The following APBB2 variants were observed in gnomAD, a reference collection of about 807,000 sequenced individuals.
APBB2 encodes the protein Fe65-like 1.
APBB2 carries 38 observed loss-of-function variants against 82.5 expected under a neutral mutation model. That is an observed-to-expected ratio of 0.46 (90% confidence interval 0.36 to 0.60). The LOEUF (loss-of-function observed/expected upper bound fraction) is 0.60, where lower values mean the gene tolerates loss of function less well. Ranked by LOEUF, APBB2 falls within the 20% of genes least tolerant of loss-of-function variation. The probability of loss-of-function intolerance (pLI) is 0.00; values close to 1 mark genes in which losing one functional copy is unlikely to be tolerated. For missense variants in APBB2, 772 were observed against 972.3 expected (o/e 0.79, Z 2.74); for synonymous variants, 341 against 368.2 (o/e 0.93, Z 0.85).
At chr4:40,831,948 T>A (rs573998326) in intron 12 of APBB2, among the ~76,000 whole-genome samples, 1 of 151,576 alleles carries the variant, frequency 6.6e-6, no homozygotes, top group South Asian at 2.1e-4. Context: ...ATGTTAACAT[T>A]GGAAGACAGC....
intron 5 of APBB2, among the ~76,000 whole-genome samples, chr4:41,022,184 T>A (rs543733428): frequency 1.3e-5 from 2 of 152,300 alleles, no homozygotes; most frequent in South Asian, 4.1e-4. Flanking sequence ...CCTGGCCACA[T>A]GTAAAAACCA....
At chr4:41,123,895 G>A (rs1753622877) in intron 2 of APBB2, among the ~76,000 whole-genome samples, 1 of 152,106 alleles carries the variant, frequency 6.6e-6, no homozygotes, top group Non-Finnish European at 1.5e-5. Flanking sequence ...TAAACTAGCA[G>A]GGAAGGGCAG....
chr4:41,165,033 A>C (rs867561107), intron 1 of APBB2, among the ~76,000 whole-genome samples: 1 of 152,206 alleles, frequency 6.6e-6, no homozygotes, highest in South Asian at 2.1e-4. Context: ...ATTCACCATC[A>C]CAGCAATAAA....
At chr4:40,921,658 T>C (rs1319107880) in intron 10 of APBB2, among the ~76,000 whole-genome samples, 1 of 152,218 alleles carries the variant, frequency 6.6e-6, no homozygotes, top group Non-Finnish European at 1.5e-5. Flanking sequence ...GCCCACTGCA[T>C]TGGTGAAGAG....
chr4:40,931,239 A>G (rs1578527399), intron 10 of APBB2, among the ~76,000 whole-genome samples: 2 of 152,164 alleles, frequency 1.3e-5, no homozygotes, highest in South Asian at 2.1e-4. Flanking sequence ...CAGGCAACAC[A>G]AAACAGGCAG....
intron 6 of APBB2, among the ~76,000 whole-genome samples, chr4:40,964,730 C>T (rs972738248): frequency 2.6e-4 from 15 of 57,586 alleles, no homozygotes; most frequent in South Asian, 2.4e-3. Flanking sequence ...ACACAGTACA[C>T]GGGGGAAAAT....
chr4:40,902,113 T>C (rs775584111), intron 10 of APBB2, among the ~76,000 whole-genome samples: 36 of 152,340 alleles, frequency 2.4e-4, no homozygotes, highest in Non-Finnish European at 3.7e-4. Context: ...TGTTTTGCTA[T>C]AATGTTGATG....
intron 12 of APBB2, among the ~76,000 whole-genome samples, chr4:40,836,449 C>T (rs774435959): frequency 2.6e-5 from 4 of 152,164 alleles, no homozygotes; most frequent in Non-Finnish European, 4.4e-5. Flanking sequence ...TGCACTCCTG[C>T]CTAGGCAAAC....
chr4:40,954,746 C>T (rs1305859133), intron 6 of APBB2, among the ~76,000 whole-genome samples: 3 of 152,214 alleles, frequency 2.0e-5, no homozygotes, highest in Non-Finnish European at 2.9e-5. Flanking sequence ...TCAGTGTAAC[C>T]TCTGCCTCCC....
At chr4:40,837,423 G>A (rs927887221) in intron 12 of APBB2, among the ~76,000 whole-genome samples, 1 of 152,206 alleles carries the variant, frequency 6.6e-6, no homozygotes, top group Non-Finnish European at 1.5e-5. Context: ...TTAACCGGGC[G>A]CCTCACACAG....
intron 4 of APBB2, among the ~76,000 whole-genome samples, chr4:41,047,574 T>C (rs1723885264): frequency 6.6e-6 from 1 of 152,244 alleles, no homozygotes; most frequent in Non-Finnish European, 1.5e-5. Context: ...GCTGGCACCA[T>C]GATGCTCCTT....
chr4:40,935,108 T>C lies in APBB2; in HGVS notation c.1076A>G (p.Asn359Ser), dbSNP rs746218929. The change falls in exon 8 of 18, where the codon AAT (asparagine) becomes AGT (serine). Residue 359 changes from asparagine to serine, a missense_variant. By Grantham distance (46) the Asn-to-Ser change is conservative. Coordinates refer to ENST00000508593, the MANE Select transcript of APBB2 (RefSeq NM_004307.2). ...KQPWSDFAVLNGGKINSDIWK... is the reference protein window; with the variant it reads ...KQPWSDFAVLSGGKINSDIWK... The stretch of plus-strand genomic sequence containing the variant: ...AATGTCACTATTAATCTTTCCCCCA[T>C]TCAGAACAGCAAAATCACTCCATGG... 15 of 1,535,920 alleles carry C rather than the reference T, an allele frequency of 9.8e-6. No homozygotes were observed. In the South Asian group the frequency reaches 1.8e-4, roughly 18 times the overall value.
chr4:41,171,127 C>T (rs950501661), intron 1 of APBB2, among the ~76,000 whole-genome samples: 2 of 152,184 alleles, frequency 1.3e-5, no homozygotes, highest in African/African-American at 4.8e-5. Context: ...CCTCCCAGCT[C>T]TTGTCTTTAC....
chr4:40,880,019 T>TTAC, intron 12 of APBB2: 1 of 985,374 alleles, frequency 1.0e-6, no homozygotes, highest in East Asian at 1.1e-4. Flanking sequence ...CAAGGAAATA[T>TTAC]TACTATGTTA....
rs573262551 is a variant in APBB2, at chr4:40,889,234, T to C, written c.1529+1130A>G. Among the ~76,000 whole-genome samples the C allele has an allele frequency of 2.0e-4, 30 of 152,370 alleles. No homozygotes were observed. The South Asian group carries it at 6.2e-3, about 32-fold the overall frequency. On this transcript the variant is annotated intron_variant, in intron 12 of 17. Transcript: ENST00000508593. ...TCCTTTGCAGACCATTTCTCATGTC[T>C]GGTTCTAGCATAAATGCTTACTCTT...
chr4:40,905,306 C>G (rs1423653223), intron 10 of APBB2, among the ~76,000 whole-genome samples: 3 of 152,170 alleles, frequency 2.0e-5, no homozygotes, highest in Non-Finnish European at 4.4e-5. Context: ...AACCCCATCC[C>G]CTGCAGTTGG....
chr4:40,901,788 T>TA (rs1166421287), intron 10 of APBB2, among the ~76,000 whole-genome samples: 3 of 152,180 alleles, frequency 2.0e-5, no homozygotes, highest in Admixed American at 1.3e-4. Context: ...GTGCTGGGAT[T>TA]ACAGGCGTGA....
Position 41,147,380 on chromosome 4 carries a change from C to G in APBB2, c.-416-4238G>C, listed in dbSNP as rs908225255. Among the ~76,000 whole-genome samples, 4 of 151,494 alleles carry G rather than the reference C, an allele frequency of 2.6e-5. No homozygotes were observed. The South Asian group carries it at 8.4e-4, about 32-fold the overall frequency. ...TTGTGAAATCCTTTTTTATTCAAAA[C>G]CTTGGTCATATGTCAGTTGGTCTTT... On this transcript the variant is annotated intron_variant, in intron 1 of 17. Coordinates refer to ENST00000508593, the MANE Select transcript of APBB2 (RefSeq NM_004307.2).
At chr4:40,894,084 C>G (rs1244294917) in intron 10 of APBB2, among the ~76,000 whole-genome samples, 1 of 151,878 alleles carries the variant, frequency 6.6e-6, no homozygotes, top group African/African-American at 2.4e-5. Context: ...GTCAGGAGAT[C>G]GAGACCATCC....
Sources: allele counts gnomAD v4.1 joint callset (sites outside exome capture counted in the v4.1 genomes callset), GRCh38; gene constraint gnomAD v4.1.1; transcripts MANE v1.5; gene names NCBI Gene and HGNC (gene_info 2026-07-23, HGNC 2026-07-21).